HLCS: variants seen among roughly 807,000 people sequenced by gnomAD.
HLCS encodes biotin--protein ligase.
In HLCS, 53 loss-of-function variants were observed where a neutral mutation model predicts 75.0. The observed-to-expected ratio is 0.71, with a 90% CI of 0.57 to 0.89. HLCS has a LOEUF of 0.89. HLCS is among the 40% of genes least tolerant of loss of function. The pLI is 0.00. For synonymous variants in HLCS, 431 were observed against 428.6 expected (o/e 1.01, Z -0.07); for missense variants, 966 against 1,074.0 (o/e 0.90, Z 1.41).
intron 6 of HLCS, among the ~76,000 whole-genome samples, chr21:36,844,694 T>C (rs1421817243): frequency 9.1e-5 from 13 of 143,268 alleles, no homozygotes; most frequent in Non-Finnish European, 6.0e-5. Context: ...ACGACTATCT[T>C]TTTTTTTTTT....
chr21:36,916,795 C>T (rs1248098974), intron 5 of HLCS, among the ~76,000 whole-genome samples: 1 of 151,994 alleles, frequency 6.6e-6, no homozygotes, highest in Non-Finnish European at 1.5e-5. Flanking sequence ...CATACGGAAC[C>T]ATCACAAACT....
intron 6 of HLCS, among the ~76,000 whole-genome samples, chr21:36,775,938 G>A (rs895684373): frequency 1.3e-5 from 2 of 152,200 alleles, no homozygotes; most frequent in Middle Eastern, 3.2e-3. Flanking sequence ...TGTGCTATGA[G>A]TGGCATTTTA....
intron 6 of HLCS, among the ~76,000 whole-genome samples, chr21:36,814,813 A>G (rs2061612176): frequency 6.6e-6 from 1 of 152,168 alleles, no homozygotes; most frequent in Non-Finnish European, 1.5e-5. Context: ...TCTCCAGGCA[A>G]TGCTGATACT....
intron 5 of HLCS, among the ~76,000 whole-genome samples, chr21:36,920,219 C>T (rs1191715090): frequency 5.3e-5 from 8 of 151,600 alleles, no homozygotes; most frequent in Admixed American, 1.3e-4. Flanking sequence ...CTGTAGTCCC[C>T]GCTGCTTGGG....
chr21:36,888,443 AAAAT>A (rs1161803076), intron 6 of HLCS, among the ~76,000 whole-genome samples: 68 of 28,244 alleles, frequency 2.4e-3, no homozygotes, highest in Admixed American at 5.9e-3. Flanking sequence ...AAAAAAAAAA[AAAAT>A]ATATATATAT....
At chr21:36,850,899 G>A (rs112280550) in intron 6 of HLCS, among the ~76,000 whole-genome samples, 3,345 of 152,258 alleles carry the variant, frequency 0.022, 113 homozygotes, top group African/African-American at 0.074. Context: ...GGAAGCAAAG[G>A]GAGAGAGGGA....
intron 5 of HLCS, among the ~76,000 whole-genome samples, chr21:36,920,593 G>C (rs773923667): frequency 2.6e-5 from 4 of 151,928 alleles, no homozygotes; most frequent in Non-Finnish European, 4.4e-5. Context: ...TGATTATTAT[G>C]CACAGCACGC....
At chr21:36,974,300 C>T (rs1421852279) in intron 1 of HLCS, 1 of 152,398 alleles carries the variant, frequency 6.6e-6, no homozygotes, top group Admixed American at 6.5e-5. Flanking sequence ...ACTAGAGGCC[C>T]CACGGCAGAA....
chr21:36,902,827 C>G (rs552888926), intron 5 of HLCS, among the ~76,000 whole-genome samples: 1 of 152,124 alleles, frequency 6.6e-6, no homozygotes, highest in East Asian at 1.9e-4. Flanking sequence ...AGTGAGAAGT[C>G]CGCATGATTT....
intron 6 of HLCS, among the ~76,000 whole-genome samples, chr21:36,845,087 AC>A (rs2146112027): frequency 6.6e-6 from 1 of 152,056 alleles, no homozygotes; most frequent in East Asian, 1.9e-4. Context: ...TTTTTTTTAA[AC>A]CCAGGAAATG....
At chr21:36,940,048 CA>C (rs1258903544) in intron 2 of HLCS, among the ~76,000 whole-genome samples, 1 of 152,060 alleles carries the variant, frequency 6.6e-6, no homozygotes, top group East Asian at 1.9e-4. Flanking sequence ...GACTCCATCT[CA>C]AAAACATAAA....
chr21:36,761,815 A>G (rs1438719130), intron 8 of HLCS, among the ~76,000 whole-genome samples: 1 of 152,106 alleles, frequency 6.6e-6, no homozygotes, highest in Non-Finnish European at 1.5e-5. Context: ...TGCCCACCAC[A>G]TGGCCAGGGG....
At chr21:36,899,338 T>A (rs1296081092) in intron 5 of HLCS, among the ~76,000 whole-genome samples, 1 of 152,010 alleles carries the variant, frequency 6.6e-6, no homozygotes, top group African/African-American at 2.4e-5. Context: ...AAATAATAAA[T>A]TCAGGCCGGG....
intron 6 of HLCS, among the ~76,000 whole-genome samples, chr21:36,816,880 G>A (rs1010953254): frequency 1.3e-5 from 2 of 152,118 alleles, no homozygotes; most frequent in African/African-American, 4.8e-5. Context: ...CCCATGACTC[G>A]TAAGCTTCTG....
intron 6 of HLCS, among the ~76,000 whole-genome samples, chr21:36,849,107 A>G (rs1179545665): frequency 6.6e-6 from 1 of 152,256 alleles, no homozygotes; most frequent in Non-Finnish European, 1.5e-5. Flanking sequence ...TTGATATAAC[A>G]GCACTGTGAA....
At chr21:36,820,124 G>A (rs2061783909) in intron 6 of HLCS, among the ~76,000 whole-genome samples, 1 of 152,196 alleles carries the variant, frequency 6.6e-6, no homozygotes, top group South Asian at 2.1e-4. Flanking sequence ...TGGCCATCGG[G>A]AATGAGGCAA....
intron 6 of HLCS, among the ~76,000 whole-genome samples, chr21:36,774,130 G>A (rs891217281): frequency 6.6e-6 from 1 of 152,180 alleles, no homozygotes; most frequent in Non-Finnish European, 1.5e-5. Flanking sequence ...AACGCATGGG[G>A]ACACAGTCAG....
At chr21:36,957,796 G>C (rs2068043644) in intron 2 of HLCS, among the ~76,000 whole-genome samples, 1 of 151,534 alleles carries the variant, frequency 6.6e-6, no homozygotes, top group Admixed American at 6.6e-5. Flanking sequence ...GGGCGTTGTG[G>C]CACGCGCCTG....
intron 4 of HLCS, among the ~76,000 whole-genome samples, chr21:36,933,393 C>T (rs778422285): frequency 2.0e-5 from 3 of 151,052 alleles, no homozygotes; most frequent in Non-Finnish European, 3.0e-5. Flanking sequence ...ACTAAAAATA[C>T]AAAAAAAATT....
Sources: gnomAD v4.1 joint callset for allele counts (sites outside exome capture counted in the v4.1 genomes callset) on GRCh38, gnomAD v4.1.1 for gene constraint, MANE v1.5 for transcripts, NCBI Gene and HGNC (gene_info 2026-07-23, HGNC 2026-07-21) for gene names.